ERGIC1: variants seen among roughly 807,000 people sequenced by gnomAD.
The protein encoded by ERGIC1 is endoplasmic reticulum-golgi intermediate compartment 1.
A neutral mutation model predicts 38.3 loss-of-function variants in ERGIC1; 19 were observed. The observed-to-expected ratio is 0.50, with a 90% CI of 0.35 to 0.73. The LOEUF (loss-of-function observed/expected upper bound fraction) is 0.73. Ranked by LOEUF, ERGIC1 falls within the 30% of genes least tolerant of loss-of-function variation. The pLI, the probability that ERGIC1 is intolerant of heterozygous loss-of-function variation, is 0.01. For missense variants in ERGIC1, 294 were observed against 389.2 expected (o/e 0.76, Z 2.06); for synonymous variants, 124 against 157.6 (o/e 0.79, Z 1.60).
At chr5:172,914,612 G>A (rs1446691302) in intron 4 of ERGIC1, 102 bp from the exon 5 acceptor site, 1 of 1,600,228 alleles carries the variant, frequency 6.2e-7, no homozygotes, top group South Asian at 1.1e-5. Context: ...AGCCCGGCCT[G>A]CCCCTGCAAT....
intron 8 of ERGIC1, 137 bp downstream of exon 8, chr5:172,932,673 C>T (rs980858793): frequency 8.6e-6 from 7 of 809,386 alleles, no homozygotes; most frequent in Non-Finnish European, 1.4e-5. Context: ...TAGCTTGGGC[C>T]AGGCGCTGTC....
intron 1 of ERGIC1, among the ~76,000 whole-genome samples, chr5:172,872,532 A>C (rs546189476): frequency 6.6e-6 from 1 of 152,292 alleles, no homozygotes; most frequent in African/African-American, 2.4e-5. Flanking sequence ...AGGTGGTCTC[A>C]GGCCAGGCTT....
chr5:172,897,028 C>T lies in ERGIC1; in HGVS notation c.109C>T (p.Leu37Phe). Residue 37 changes from leucine to phenylalanine, a missense_variant, in exon 3 of 10, where the codon CTC (leucine) becomes TTC (phenylalanine). Leu to Phe is a conservative substitution (Grantham distance 22). Coordinates refer to ENST00000393784, the MANE Select transcript of ERGIC1 (RefSeq NM_001031711.3). ...IISICCCLFILFLFLSELTGF... is the reference protein window; with the variant it reads ...IISICCCLFIFFLFLSELTGF... ...CTCCATCTGCTGCTGCCTCTTCATC[C>T]TCTTCCTCTTCCTCTCGGAGCTCAC... is the stretch of plus-strand genomic sequence containing the variant. 6.2e-7 allele frequency: 1 copy of T among 1,614,062 alleles called. No homozygotes were observed.
chr5:172,893,217 G>A (rs1459232154), intron 2 of ERGIC1, among the ~76,000 whole-genome samples: 3 of 151,380 alleles, frequency 2.0e-5, no homozygotes, highest in Non-Finnish European at 2.9e-5. Context: ...GTGTGATCTC[G>A]GCTCACTACA....
chr5:172,923,131 T>TGGG, intron 5 of ERGIC1, among the ~76,000 whole-genome samples: 1 of 107,372 alleles, frequency 9.3e-6, no homozygotes, highest in African/African-American at 3.6e-5. Context: ...TCTGAGCATC[T>TGGG]GGGAGGAGGA....
intron 7 of ERGIC1, among the ~76,000 whole-genome samples, chr5:172,928,163 G>A (rs529017314): frequency 1.2e-4 from 18 of 152,296 alleles, no homozygotes; most frequent in Middle Eastern, 3.4e-3. Flanking sequence ...CTCAGCTGCT[G>A]GACAGGAAAG....
intron 2 of ERGIC1, among the ~76,000 whole-genome samples, chr5:172,890,526 G>A (rs1052075573): frequency 6.6e-5 from 10 of 152,246 alleles, no homozygotes; most frequent in Admixed American, 1.3e-4. Context: ...AGTGAAGGGC[G>A]TATGGGAACT....
intron 4 of ERGIC1, among the ~76,000 whole-genome samples, chr5:172,914,234 C>CAAAAAAAA (rs35584191): frequency 1.7e-4 from 17 of 102,178 alleles, no homozygotes; most frequent in African/African-American, 6.4e-4. Flanking sequence ...GACTCTGTCT[C>CAAAAAAAA]AAAAAAAAAA....
chr5:172,909,817 G>T (rs1763162715), intron 4 of ERGIC1, 56 bp downstream of exon 4: 1 of 1,477,218 alleles, frequency 6.8e-7, no homozygotes, highest in Middle Eastern at 1.7e-4. Context: ...GGGCAAATGT[G>T]TGTGTGCAGA....
intron 7 of ERGIC1, among the ~76,000 whole-genome samples, chr5:172,930,756 C>A (rs928248655): frequency 8.5e-5 from 13 of 152,196 alleles, no homozygotes; most frequent in African/African-American, 3.1e-4. Flanking sequence ...CACTATCAAG[C>A]GTGGTCTTGG....
intron 1 of ERGIC1, among the ~76,000 whole-genome samples, chr5:172,857,575 G>A (rs1006977081): frequency 6.9e-6 from 1 of 143,942 alleles, no homozygotes; most frequent in Middle Eastern, 3.3e-3. Context: ...TGTAACAATG[G>A]GCTAATAATG....
intron 2 of ERGIC1, among the ~76,000 whole-genome samples, chr5:172,891,565 G>A (rs1323667179): frequency 1.3e-5 from 2 of 151,542 alleles, no homozygotes; most frequent in Admixed American, 6.6e-5. Context: ...CAGCCTCCCC[G>A]AGTAGCTGGG....
chr5:172,854,413 T>C (rs79052718), intron 1 of ERGIC1, among the ~76,000 whole-genome samples: 4,408 of 152,260 alleles, frequency 0.029, 208 homozygotes, highest in African/African-American at 0.1. Context: ...AGCAGACCCT[T>C]GAATAATGTT....
At chr5:172,942,704 T>C (rs960134033) in intron 9 of ERGIC1, among the ~76,000 whole-genome samples, 5 of 152,154 alleles carry the variant, frequency 3.3e-5, no homozygotes, top group Admixed American at 6.5e-5. Flanking sequence ...CAGAGACAGA[T>C]TGCTCCAAAC....
At chr5:172,949,925 T>G (rs1370228425) in intron 9 of ERGIC1, among the ~76,000 whole-genome samples, 2 of 152,016 alleles carry the variant, frequency 1.3e-5, no homozygotes, top group Non-Finnish European at 2.9e-5. Flanking sequence ...TACAAAAAAT[T>G]AGCCAGGCGC....
chr5:172,874,668 C>T (rs1762099313), intron 1 of ERGIC1, among the ~76,000 whole-genome samples: 1 of 151,646 alleles, frequency 6.6e-6, no homozygotes. Flanking sequence ...GTGGCTCACA[C>T]CTGTAATCCC....
intron 1 of ERGIC1, among the ~76,000 whole-genome samples, chr5:172,878,876 G>A (rs1561714384): frequency 6.6e-6 from 1 of 152,168 alleles, no homozygotes; most frequent in Non-Finnish European, 1.5e-5. Context: ...GGAATGAGTA[G>A]GTGAACAAAC....
chr5:172,849,611 G>T (rs729341), intron 1 of ERGIC1, among the ~76,000 whole-genome samples: 23,543 of 152,068 alleles, frequency 0.15, 2,164 homozygotes, highest in East Asian at 0.25. Flanking sequence ...AGAGTTGGGG[G>T]TCACACCTGC....
intron 1 of ERGIC1, among the ~76,000 whole-genome samples, chr5:172,885,235 T>C (rs1258030349): frequency 6.6e-6 from 1 of 152,098 alleles, no homozygotes; most frequent in East Asian, 1.9e-4. Context: ...GCTCAAGTGA[T>C]CCTCCCACCT....
Sources: allele counts gnomAD v4.1 joint callset (sites outside exome capture counted in the v4.1 genomes callset), GRCh38; gene constraint gnomAD v4.1.1; transcripts MANE v1.5; gene names NCBI Gene and HGNC (gene_info 2026-07-23, HGNC 2026-07-21).